Variants in ABI2 observed in about 807,000 individuals in gnomAD.
ABI2 encodes abl interactor 2.
A neutral mutation model predicts 59.2 loss-of-function variants in ABI2; 25 were observed. That is an observed-to-expected ratio of 0.42 (90% CI 0.31 to 0.59). The LOEUF (loss-of-function observed/expected upper bound fraction) is 0.59. ABI2 is among the 20% of genes least tolerant of loss of function. The probability of loss-of-function intolerance (pLI) is 0.14; values close to 1 mark genes in which losing one functional copy is unlikely to be tolerated. For missense variants in ABI2, 545 were observed against 681.8 expected (o/e 0.80, Z 2.23); for synonymous variants, 213 against 235.5 (o/e 0.90, Z 0.87).
intron 5 of ABI2, among the ~76,000 whole-genome samples, chr2:203,392,305 CCACCACCACCAACAACAACAA>C (rs1281974138): frequency 4.1e-5 from 4 of 97,896 alleles, no homozygotes; most frequent in South Asian, 7.8e-4. Context: ...ACCACCACCA[CCACCACCACCAACAACAACAA>C]CAACAACAAC....
chr2:203,357,977 C>G (rs1015129717), intron 1 of ABI2, among the ~76,000 whole-genome samples: 1 of 151,280 alleles, frequency 6.6e-6, no homozygotes, highest in Non-Finnish European at 1.5e-5. Flanking sequence ...CCATATTGAC[C>G]AGGCTGTCTC....
intron 1 of ABI2, among the ~76,000 whole-genome samples, chr2:203,338,204 A>G (rs2077337520): frequency 6.6e-6 from 1 of 152,268 alleles, no homozygotes; most frequent in Admixed American, 6.5e-5. Context: ...TGGGAAAACT[A>G]TATCCACATG....
intron 1 of ABI2, among the ~76,000 whole-genome samples, chr2:203,356,515 C>T (rs1250729419): frequency 3.3e-5 from 5 of 152,052 alleles, no homozygotes; most frequent in African/African-American, 9.7e-5. Flanking sequence ...ACTACAGGCG[C>T]GTGCTGCCAC....
chr2:203,338,729 T>G (rs1353243967), intron 1 of ABI2, among the ~76,000 whole-genome samples: 1 of 151,440 alleles, frequency 6.6e-6, no homozygotes, highest in African/African-American at 2.4e-5. Context: ...GATTCTGGTC[T>G]TGACAATGGT....
chr2:203,401,073 G>T (rs1190919503), intron 8 of ABI2, among the ~76,000 whole-genome samples: 1 of 152,016 alleles, frequency 6.6e-6, no homozygotes, highest in Non-Finnish European at 1.5e-5. Flanking sequence ...AGTGTGCCAG[G>T]TATCATCTGT....
chr2:203,332,864 G>A (rs561560473), intron 1 of ABI2, among the ~76,000 whole-genome samples: 2 of 152,196 alleles, frequency 1.3e-5, no homozygotes, highest in East Asian at 3.9e-4. Context: ...ACTGATTTTT[G>A]TGAGTGACAG....
intron 1 of ABI2, 50 bp downstream of exon 1, chr2:203,328,681 C>A: frequency 7.4e-7 from 1 of 1,346,188 alleles, no homozygotes; most frequent in Non-Finnish European, 9.9e-7. Context: ...CCGCCGGGGG[C>A]CGCGCGCCTC....
At chr2:203,357,829 C>T (rs1375738227) in intron 1 of ABI2, among the ~76,000 whole-genome samples, 1 of 151,548 alleles carries the variant, frequency 6.6e-6, no homozygotes, top group African/African-American at 2.4e-5. Context: ...AGTGCAGTGG[C>T]GCAGTCTTGG....
chr2:203,378,278 A>T (rs571974528), intron 2 of ABI2, among the ~76,000 whole-genome samples: 1 of 151,920 alleles, frequency 6.6e-6, no homozygotes, highest in African/African-American at 2.4e-5. Context: ...ATGCCCGGCT[A>T]ATTTTTGTAT....
Position 203,411,368 on chromosome 2 carries a change from A to T in ABI2, c.1276A>T (p.Asn426Tyr). Residue 426 changes from asparagine (N) to tyrosine (Y), a missense_variant, in exon 10 of 12, where the codon AAT becomes TAT. Coordinates refer to ENST00000261018, the MANE Select transcript of ABI2 (RefSeq NM_001375670.1). ...LMGFVARVQE[N>Y]ISDTPPPPPP... ...GGGATTTGTGGCCAGAGTCCAAGAA[A>T]ATAGTAAGTTTATGTCTTCTTTATG... 4 of 1,610,932 alleles carry T rather than the reference A, an allele frequency of 2.5e-6. No homozygotes were observed. Among genetic ancestry groups the T allele is most frequent in the Non-Finnish European group, 3.4e-6 (4 of 1,177,234 alleles).
chr2:203,338,822 A>C (rs1006719971), intron 1 of ABI2, among the ~76,000 whole-genome samples: 4 of 150,338 alleles, frequency 2.7e-5, no homozygotes, highest in African/African-American at 9.8e-5. Flanking sequence ...AGGCTTCTGC[A>C]CAGCAAAGGA....
chr2:203,383,018 T>C (rs1443601249), intron 4 of ABI2, among the ~76,000 whole-genome samples: 1 of 152,202 alleles, frequency 6.6e-6, no homozygotes, highest in East Asian at 1.9e-4. Context: ...GAAGCCTGCC[T>C]AAAATACAAG....
At chr2:203,395,462 C>CAG (rs2096943404) in intron 6 of ABI2, among the ~76,000 whole-genome samples, 194 bp from the exon 7 acceptor site, 1 of 149,174 alleles carries the variant, frequency 6.7e-6, no homozygotes, top group Non-Finnish European at 1.5e-5. Flanking sequence ...CACACACACA[C>CAG]ACACACACAC....
At chr2:203,421,702 C>G (rs1413391040) in intron 11 of ABI2, among the ~76,000 whole-genome samples, 1 of 152,152 alleles carries the variant, frequency 6.6e-6, no homozygotes, top group East Asian at 1.9e-4. Context: ...CATGGTGGCT[C>G]ACGCCTGTAA....
chr2:203,338,983 A>AAAATATATATATATATATATAAATAT (rs2078182989), intron 1 of ABI2, among the ~76,000 whole-genome samples: 1 of 12,356 alleles, frequency 8.1e-5, no homozygotes, highest in African/African-American at 2.6e-4. Flanking sequence ...TATATATATA[A>AAAATATATATATATATATATAAATAT]ATATATATAT....
chr2:203,423,972 G>T (rs1272578483), intron 11 of ABI2, among the ~76,000 whole-genome samples: 1 of 152,140 alleles, frequency 6.6e-6, no homozygotes, highest in African/African-American at 2.4e-5. Context: ...AGAACAATGT[G>T]TAAGTCCTTT....
intron 2 of ABI2, among the ~76,000 whole-genome samples, chr2:203,378,121 T>A (rs1415014427): frequency 6.6e-6 from 1 of 151,494 alleles, no homozygotes; most frequent in Non-Finnish European, 1.5e-5. Flanking sequence ...TTCTTTTCTT[T>A]TTTTTTTTTA....
At chr2:203,346,940 A>T (rs189735212) in intron 1 of ABI2, among the ~76,000 whole-genome samples, 3 of 152,290 alleles carry the variant, frequency 2.0e-5, no homozygotes, top group African/African-American at 7.2e-5. Context: ...GTGCATTTTA[A>T]AATTTATTCA....
rs13420014 is a variant in ABI2 at position 203,388,687 on chromosome 2, T to A, written c.481-2359T>A. Among the ~76,000 whole-genome samples, 1,136 of 151,612 alleles carry A rather than the reference T, an allele frequency of 7.5e-3. 17 individuals carry two copies. Among genetic ancestry groups the A allele is most frequent in the African/African-American group, 0.025 (1,052 of 41,346 alleles). On this transcript the variant is annotated intron_variant, in intron 4 of 11. Coordinates refer to ENST00000261018, the MANE Select transcript of ABI2 (RefSeq NM_001375670.1). ...CAGAGCGAGACTCTGTCTTAAAAAA[T>A]AATAATAATAATAATAAATGTCCAC...
Sources: allele counts gnomAD v4.1 joint callset (sites outside exome capture counted in the v4.1 genomes callset), GRCh38; gene constraint gnomAD v4.1.1; transcripts MANE v1.5; gene names NCBI Gene and HGNC (gene_info 2026-07-23, HGNC 2026-07-21).